The following SCN1A variants were observed in gnomAD, a reference collection of about 807,000 sequenced individuals.
SCN1A encodes the protein sodium voltage-gated channel alpha subunit 1.
Under a neutral mutation model 193.7 loss-of-function variants are expected in SCN1A, and 13 were observed. That is an observed-to-expected ratio of 0.07 (90% confidence interval 0.04 to 0.11). The LOEUF (loss-of-function observed/expected upper bound fraction) is 0.11. Among genes scored for constraint, SCN1A ranks in the 10% least tolerant of loss-of-function variants. The probability of loss-of-function intolerance (pLI) is 1.00; values close to 1 mark genes in which losing one functional copy is unlikely to be tolerated. For synonymous variants in SCN1A, 781 were observed against 843.6 expected, an observed-to-expected ratio of 0.93 and a Z score of 1.29; for missense variants, 1,432 against 2,451.1, an observed-to-expected ratio of 0.58 and a Z score of 8.78.
chr2:166,118,022 G>A (rs1042238928), intron 2 of SCN1A, among the ~76,000 whole-genome samples: 1 of 151,184 alleles, frequency 6.6e-6, no homozygotes, highest in African/African-American at 2.4e-5. Context: ...TAAAGACTAT[G>A]AACATTCTGA....
intron 19 of SCN1A, among the ~76,000 whole-genome samples, chr2:166,030,887 G>T (rs1474267459): frequency 6.6e-6 from 1 of 151,930 alleles, no homozygotes; most frequent in African/African-American, 2.4e-5. Context: ...TTCTATTTGG[G>T]GAGATAAGAT....
rs1685129433 is a variant in SCN1A at position 166,077,824 on chromosome 2, T to C, written c.-141-23A>G. 3 of 151,924 alleles carry C rather than the reference T, an allele frequency of 2.0e-5. No individual in the cohort carries two copies. The South Asian group carries it at 6.2e-4, about 31-fold the overall frequency. The allele number at this position is 151,924 out of a possible 1,614,324, so 9.4% of individuals were successfully genotyped here. On this transcript the variant is annotated intron_variant, in intron 2 of 28. Transcript: ENST00000674923. ...AACCTGGAAGCAACCAAGATGTCCT[T>C]CAGTAGGTGAATGGATAAATAACCT...
At chr2:166,096,046 T>G (rs1687340824) in intron 2 of SCN1A, among the ~76,000 whole-genome samples, 1 of 152,228 alleles carries the variant, frequency 6.6e-6, no homozygotes, top group Admixed American at 6.5e-5. Flanking sequence ...CACTCCAGTT[T>G]TGGATTCATG....
intron 16 of SCN1A, among the ~76,000 whole-genome samples, chr2:166,040,076 G>A (rs944234297): frequency 4.6e-5 from 7 of 151,836 alleles, no homozygotes; most frequent in Non-Finnish European, 1.0e-4. Context: ...CCGCCACCAC[G>A]CCCGCCTAAT....
chr2:166,071,461 C>A (rs977175616), intron 4 of SCN1A, among the ~76,000 whole-genome samples: 10 of 151,446 alleles, frequency 6.6e-5, no homozygotes, highest in Admixed American at 6.6e-4. Flanking sequence ...ATGAATAGAT[C>A]AGTTTTTAAA....
At chr2:166,013,345 A>G (rs1056121473) in intron 21 of SCN1A, among the ~76,000 whole-genome samples, 10 of 151,502 alleles carry the variant, frequency 6.6e-5, no homozygotes, top group African/African-American at 1.9e-4. Flanking sequence ...ACTGTCCATC[A>G]AGAGATAATA....
intron 6 of SCN1A, 134 bp from the exon 7 acceptor site, chr2:166,054,900 A>T: frequency 1.3e-6 from 1 of 789,378 alleles, no homozygotes; most frequent in Non-Finnish European, 2.0e-6. Flanking sequence ...AATTTCATAC[A>T]AATGAAACGT....
chr2:166,045,218 T>C lies in SCN1A; in HGVS notation c.1487A>G (p.Glu496Gly), dbSNP rs772103115. 1.1e-5 allele frequency: 17 copies of C among 1,614,180 alleles called. No individual in the cohort carries two copies. The highest frequency in any genetic ancestry group is 1.4e-5 in the Non-Finnish European group (17 of 1,180,024). ...ASKLSSKSAK[E>G]RRNRRKKRKQ... ...TCTTTTCTTCCTCCGATTTCTTCTT[T>C]CCTTAGCACTCTTGGAACTCAACTT... is the stretch of plus-strand genomic sequence containing the variant. Residue 496 changes from glutamate (E) to glycine (G), a missense_variant, in exon 13 of 29, where the codon GAA becomes GGA. By Grantham distance (98) the Glu-to-Gly change is moderately conservative. This residue lies in a region of SCN1A where 316 missense variants were observed against 362.1 expected (regional missense o/e 0.87). Transcript: ENST00000674923.
intron 2 of SCN1A, among the ~76,000 whole-genome samples, chr2:166,110,453 G>A (rs1689172917): frequency 6.6e-6 from 1 of 152,180 alleles, no homozygotes; most frequent in African/African-American, 2.4e-5. Flanking sequence ...TTGCTGATAT[G>A]AAGAAAGTCT....
chr2:166,055,444 T>C (rs1227351913), intron 6 of SCN1A, among the ~76,000 whole-genome samples: 2 of 151,986 alleles, frequency 1.3e-5, no homozygotes, highest in Non-Finnish European at 2.9e-5. Flanking sequence ...TTCAATACTT[T>C]AGAATTTTTT....
Position 165,994,134 on chromosome 2 carries a change from A to T in SCN1A, c.4852+12T>A. The T allele has an allele frequency of 1.3e-6, 2 of 1,588,264 alleles. No individual in the cohort carries two copies. The highest frequency in any genetic ancestry group is 1.1e-5 in the South Asian group (1 of 89,616). The stretch of plus-strand genomic sequence containing the variant: ...TATTTAACTGAATTTAAGAACTTTA[A>T]ATATTTCTTACCTACAATGGAGAGA... On this transcript the variant is annotated intron_variant, in intron 28 of 28. Transcript: ENST00000674923.
At chr2:166,075,788 C>T (rs1684929326) in intron 3 of SCN1A, among the ~76,000 whole-genome samples, 1 of 151,930 alleles carries the variant, frequency 6.6e-6, no homozygotes, top group South Asian at 2.1e-4. Context: ...CTCCTGACAG[C>T]AATGTAACAG....
intron 1 of SCN1A, among the ~76,000 whole-genome samples, chr2:166,143,572 T>C (rs1692185762): frequency 6.6e-6 from 1 of 152,214 alleles, no homozygotes; most frequent in African/African-American, 2.4e-5. Flanking sequence ...CCTTTACTTA[T>C]CTTCAATAAT....
chr2:166,069,655 C>G (rs1684210123), intron 4 of SCN1A, among the ~76,000 whole-genome samples: 1 of 152,144 alleles, frequency 6.6e-6, no homozygotes, highest in South Asian at 2.1e-4. Flanking sequence ...ATGGATTCTG[C>G]AAATATTTTT....
At chr2:166,097,572 T>G (rs1216795593) in intron 2 of SCN1A, among the ~76,000 whole-genome samples, 1 of 151,986 alleles carries the variant, frequency 6.6e-6, no homozygotes, top group Non-Finnish European at 1.5e-5. Flanking sequence ...ATTTGGTATG[T>G]TCAAAGGTAC....
upstream of SCN1A, among the ~76,000 whole-genome samples, chr2:166,129,406 G>A (rs889458892): frequency 2.6e-5 from 4 of 152,076 alleles, no homozygotes; most frequent in African/African-American, 9.7e-5. Context: ...CCATCTTGTG[G>A]ATCCATCTTT....
At chr2:166,123,597 C>T (rs1197551236) in intron 2 of SCN1A, 1 of 152,162 alleles carries the variant, frequency 6.6e-6, no homozygotes, top group Admixed American at 6.5e-5. Flanking sequence ...ACCTTTGGAT[C>T]AGTTCTTTTC....
At chr2:165,996,758 A>G (rs1381447344) in intron 26 of SCN1A, among the ~76,000 whole-genome samples, 1 of 151,392 alleles carries the variant, frequency 6.6e-6, no homozygotes, top group East Asian at 1.9e-4. Flanking sequence ...GTAATAAGAA[A>G]AGGGAATTGA....
At chr2:166,017,443 A>G (rs903804981) in intron 19 of SCN1A, among the ~76,000 whole-genome samples, 1 of 152,024 alleles carries the variant, frequency 6.6e-6, no homozygotes, top group East Asian at 1.9e-4. Context: ...TCATAACATC[A>G]CATGATCTTC....
Sources: gnomAD v4.1 joint callset for allele counts (sites outside exome capture counted in the v4.1 genomes callset) on GRCh38, gnomAD v4.1.1 for gene constraint, gnomAD v4.1.1 regional missense constraint, MANE v1.5 for transcripts, NCBI Gene and HGNC (gene_info 2026-07-23, HGNC 2026-07-21) for gene names.